Variants in LRRC19 observed in about 807,000 individuals in gnomAD.
The protein encoded by LRRC19 is leucine rich repeat containing 19.
A neutral mutation model predicts 33.3 loss-of-function variants in LRRC19; 33 were observed. The observed-to-expected ratio is 0.99, with a 90% CI of 0.75 to 1.33. The LOEUF (loss-of-function observed/expected upper bound fraction) is 1.33, where lower values mean the gene tolerates loss of function less well. Among genes scored for constraint, LRRC19 ranks in the 40% most tolerant of loss-of-function variants. LRRC19 has a pLI of 0.00. For synonymous variants in LRRC19, 184 were observed against 152.3 expected (o/e 1.21, Z -1.53); for missense variants, 463 against 417.3 (o/e 1.11, Z -0.95).
intron 3 of LRRC19, 72 bp from the exon 4 acceptor site, chr9:26,996,571 T>G: frequency 9.1e-7 from 1 of 1,096,410 alleles, no homozygotes. Context: ...AATTGTTTTA[T>G]CTAGAATTTT....
intron 2 of LRRC19, 40 bp downstream of exon 2, chr9:26,999,574 C>T: frequency 7.0e-7 from 1 of 1,430,044 alleles, no homozygotes; most frequent in South Asian, 1.2e-5. Context: ...GAAAATGTAC[C>T]TTTGAAAATA....
intron 1 of LRRC19, 58 bp downstream of exon 1, chr9:27,005,533 CT>C (rs965386499): frequency 1.3e-5 from 2 of 151,134 alleles, no homozygotes; most frequent in Non-Finnish European, 2.9e-5. Context: ...ACTTAACAAA[CT>C]TAAATATGAT....
Position 26,999,715 on chromosome 9 carries a change from G to A in LRRC19, c.-9-12C>T. 1 of 1,505,398 alleles carries A rather than the reference G, an allele frequency of 6.6e-7. No homozygotes were observed. The highest frequency in any genetic ancestry group is 9.0e-7 in the Non-Finnish European group (1 of 1,106,958). The allele number at this position is 1,505,398 out of a possible 1,614,324, so 93.3% of individuals were successfully genotyped here. On this transcript the variant is annotated splice_polypyrimidine_tract_variant and intron_variant, in intron 1 of 4. Transcript: ENST00000380055. ...TTCATGTTGCAGACCTGATAGAAAA[G>A]AGAGTATTTTCATTAAGGACATTTT... is the stretch of plus-strand genomic sequence containing the variant.
chr9:26,997,741 T>G lies in LRRC19; in HGVS notation c.582A>C (p.Ser194=). The G allele has an allele frequency of 6.2e-7, 1 of 1,601,928 alleles. No homozygotes were observed. The highest frequency in any genetic ancestry group is 8.5e-7 in the Non-Finnish European group (1 of 1,176,410). The change falls in exon 3 of 5, where the codon TCA becomes TCC. Residue 194 remains serine, a synonymous_variant. Coordinates refer to ENST00000380055, the MANE Select transcript of LRRC19 (RefSeq NM_022901.3). ...ATGATAGCTTACCTAATGTCACATT[T>G]GATGTGTTCAACCAGTTCTGCAAAT... The part of the protein sequence containing the change: ...LFNLQNWLNT[S]NVTLENENIT...
At position 26,998,173 on chromosome 9, in the gene LRRC19, A is replaced by G. The variant is rs1828271616; in HGVS notation, c.150T>C (p.Thr50=). ...TTTGGTTATAACTGAGATCAAGTAT[A>G]GTAACATCTTTCTTGATATCTGCTG... The part of the protein sequence containing the change: ...LIPADIKKDV[T]ILDLSYNQIT... Residue 50 remains threonine (T), a synonymous_variant, in exon 3 of 5, where the codon ACT becomes ACC. Coordinates refer to ENST00000380055, the MANE Select transcript of LRRC19 (RefSeq NM_022901.3). 1 of 1,579,852 alleles carries G rather than the reference A, an allele frequency of 6.3e-7. No individual in the cohort carries two copies. Among genetic ancestry groups the G allele is most frequent in the African/African-American group, 1.4e-5 (1 of 73,698 alleles).
chr9:27,002,378 G>A (rs527993546), intron 1 of LRRC19, among the ~76,000 whole-genome samples: 55 of 152,336 alleles, frequency 3.6e-4, no homozygotes, highest in Non-Finnish European at 4.6e-4. Context: ...GGCTGAGTCC[G>A]AAAAGAGAGT....
chr9:27,001,821 G>T (rs1178669366), intron 1 of LRRC19, among the ~76,000 whole-genome samples: 2 of 151,792 alleles, frequency 1.3e-5, no homozygotes, highest in African/African-American at 4.8e-5. Flanking sequence ...TTTTTGCTTG[G>T]CGAAACCCCA....
intron 4 of LRRC19, 59 bp downstream of exon 4, chr9:26,996,252 C>G (rs1201179034): frequency 2.1e-6 from 2 of 951,114 alleles, no homozygotes; most frequent in Admixed American, 2.8e-5. Context: ...AAGATAACTA[C>G]CTCAGTTTAT....
chr9:27,001,058 T>C (rs1828457562), intron 1 of LRRC19, among the ~76,000 whole-genome samples: 1 of 152,196 alleles, frequency 6.6e-6, no homozygotes, highest in African/African-American at 2.4e-5. Flanking sequence ...TGTGTGATAT[T>C]TGTCTTTCTG....
At position 26,995,781 on chromosome 9, in the gene LRRC19, G is replaced by T. The variant is rs199823832; in HGVS notation, c.853C>A (p.Leu285Ile). 1.4e-4 allele frequency: 226 copies of T among 1,613,686 alleles called. No homozygotes were observed. The highest frequency in any genetic ancestry group is 1.6e-4 in the Middle Eastern group (1 of 6,078). Residue 285 changes from leucine (L) to isoleucine (I), a missense_variant, in exon 5 of 5, where the codon CTT becomes ATT. Transcript: ENST00000380055. ...CATTTGATAGCAATAAAAATGAGAA[G>T]TGAAGTCGTCAGTACAGTGACAACA... The part of the protein sequence containing the change: ...GVVVTVLTTS[L>I]LIFIAIKCPI...
chr9:27,004,452 C>T (rs992439290), intron 1 of LRRC19, among the ~76,000 whole-genome samples: 1 of 152,100 alleles, frequency 6.6e-6, no homozygotes, highest in East Asian at 1.9e-4. Context: ...TATTTGTGTG[C>T]CTTTTCAGAG....
At chr9:27,003,460 T>C (rs1828610063) in intron 1 of LRRC19, among the ~76,000 whole-genome samples, 1 of 152,056 alleles carries the variant, frequency 6.6e-6, no homozygotes, top group Non-Finnish European at 1.5e-5. Context: ...GAGGCAGAAG[T>C]TGCAGTGAGC....
At chr9:27,000,602 A>G (rs1828430266) in intron 1 of LRRC19, among the ~76,000 whole-genome samples, 1 of 152,230 alleles carries the variant, frequency 6.6e-6, no homozygotes, top group Admixed American at 6.5e-5. Flanking sequence ...TACTTGGGAT[A>G]TCCAACACGT....
In LRRC19 at chr9:26,999,682, C is replaced by T. The variant is rs1828369346; in HGVS notation, c.13G>A (p.Gly5Ser). MKVT[G>S]ITILFWPLSM... ...AGGGGCCAAAAGAGGATTGTGATGC[C>T]TGTGACTTTCATGTTGCAGACCTGA... Residue 5 changes from glycine (G) to serine (S), a missense_variant, in exon 2 of 5, where the codon GGC becomes AGC. By Grantham distance (56) the Gly-to-Ser change is moderately conservative. Transcript: ENST00000380055. The T allele has an allele frequency of 6.2e-7, 1 of 1,607,492 alleles. No individual in the cohort carries two copies. Among genetic ancestry groups the T allele is most frequent in the African/African-American group, 1.3e-5 (1 of 74,466 alleles).
Position 26,994,093 on chromosome 9 carries a change from G to T in LRRC19, c.*1428C>A, listed in dbSNP as rs113108867. The T allele has an allele frequency of 6.6e-6, 1 of 152,276 alleles. No homozygotes were observed. The highest frequency in any genetic ancestry group is 2.1e-4 in the South Asian group (1 of 4,832). The allele number at this position is 152,276 out of a possible 1,614,324, so 9.4% of individuals were successfully genotyped here. A position where few individuals can be genotyped will look rare whatever the true frequency, so the allele number is the denominator to read the frequency against. The stretch of plus-strand genomic sequence containing the variant: ...GATAGGCCAGTGTTTTCCAAACTAC[G>T]TTCTTTGGAATGTTATTGAACTACG... On this transcript the variant is annotated 3_prime_UTR_variant, in exon 5 of 5. Transcript: ENST00000380055.
intron 1 of LRRC19, among the ~76,000 whole-genome samples, chr9:27,002,592 T>C (rs1227255534): frequency 2.6e-5 from 4 of 152,230 alleles, no homozygotes; most frequent in African/African-American, 9.6e-5. Context: ...TGAAGATGAG[T>C]TGATGTAAAT....
Position 26,996,480 on chromosome 9 carries a change from C to A in LRRC19, c.615G>T (p.Met205Ile). 6.8e-7 allele frequency: 1 copy of A among 1,480,356 alleles called. No homozygotes were observed. The allele number at this position is 1,480,356 out of a possible 1,614,324, so 91.7% of individuals were successfully genotyped here. A position where few individuals can be genotyped will look rare whatever the true frequency, so the allele number is the denominator to read the frequency against. ...NVTLENENIT[M>I]CSYPNSLQSY... Reference sequence around the variant, plus strand: ...TCTGCAGGCTGTTGGGGTAGCTACACATGGTGATGTTCTCATTTTCTAGTA... The same window carrying A: ...TCTGCAGGCTGTTGGGGTAGCTACAAATGGTGATGTTCTCATTTTCTAGTA... The change falls in exon 4 of 5, where the codon ATG (methionine) becomes ATT (isoleucine). Residue 205 changes from methionine (M) to isoleucine (I), a missense_variant. Met to Ile is a conservative substitution (Grantham distance 10). Coordinates refer to ENST00000380055, the MANE Select transcript of LRRC19 (RefSeq NM_022901.3).
chr9:27,003,967 C>T (rs896690455), intron 1 of LRRC19, among the ~76,000 whole-genome samples: 1 of 152,178 alleles, frequency 6.6e-6, no homozygotes, highest in Non-Finnish European at 1.5e-5. Flanking sequence ...GAAATTCTTA[C>T]TGATGTCTCT....
Position 26,995,739 on chromosome 9 carries a change from T to C in LRRC19, c.895A>G (p.Ile299Val). The change falls in exon 5 of 5, where the codon ATT (isoleucine) becomes GTT (valine). Residue 299 changes from isoleucine (I) to valine (V), a missense_variant. Physicochemically the swap from Ile to Val is conservative, Grantham distance 29. Transcript: ENST00000380055. ...IAIKCPIWYN[I>V]LLSYNHHRLE... Reference sequence around the variant, plus strand: ...CGATGATGATTATAACTAAGCAGAATATTGTACCATATTGGGCATTTGATA... The same window carrying C: ...CGATGATGATTATAACTAAGCAGAACATTGTACCATATTGGGCATTTGATA... The C allele has an allele frequency of 1.9e-6, 3 of 1,613,908 alleles. No homozygotes were observed. The highest frequency in any genetic ancestry group is 2.5e-6 in the Non-Finnish European group (3 of 1,179,904).
Sources: allele counts gnomAD v4.1 joint callset (sites outside exome capture counted in the v4.1 genomes callset), GRCh38; gene constraint gnomAD v4.1.1; transcripts MANE v1.5; gene names NCBI Gene and HGNC (gene_info 2026-07-23, HGNC 2026-07-21).